The following SLC1A2 variants were observed in gnomAD, a reference collection of about 807,000 sequenced individuals.
SLC1A2 encodes excitatory amino acid transporter 2.
A neutral mutation model predicts 48.8 loss-of-function variants in SLC1A2; 15 were observed. The observed-to-expected ratio is 0.31, with a 90% CI of 0.21 to 0.47. The LOEUF is 0.47. Ranked by LOEUF, SLC1A2 falls within the 20% of genes least tolerant of loss-of-function variation. The pLI is 0.99. For missense variants in SLC1A2, 502 were observed against 730.5 expected (o/e 0.69, Z 3.61); for synonymous variants, 279 against 272.6 (o/e 1.02, Z -0.23).
intron 1 of SLC1A2, among the ~76,000 whole-genome samples, chr11:35,412,853 T>C (rs1479797996): frequency 6.6e-6 from 1 of 152,180 alleles, no homozygotes; most frequent in Admixed American, 6.5e-5. Flanking sequence ...CTGGGCTCTT[T>C]CAAAGCACTG....
chr11:35,275,687 T>C (rs1850418722), intron 9 of SLC1A2, among the ~76,000 whole-genome samples: 1 of 152,232 alleles, frequency 6.6e-6, no homozygotes, highest in South Asian at 2.1e-4. Flanking sequence ...GCAAACACTG[T>C]GACACATTAA....
chr11:35,396,778 C>A (rs1349885515), intron 1 of SLC1A2, among the ~76,000 whole-genome samples: 2 of 152,080 alleles, frequency 1.3e-5, no homozygotes, highest in Non-Finnish European at 2.9e-5. Context: ...ATGGTAAAAC[C>A]CCATTGTCTC....
rs775008465 is a variant in SLC1A2, at chr11:35,292,431, T to C, written c.947A>G (p.Tyr316Cys). The C allele has an allele frequency of 6.2e-7, 1 of 1,613,932 alleles. No homozygotes were observed. Residue 316 changes from tyrosine (Y) to cysteine (C), a missense_variant, in exon 7 of 11, where the codon TAC (tyrosine) becomes TGC (cysteine). Transcript: ENST00000278379. The stretch of plus-strand genomic sequence containing the variant: ...GAGGCCTATGATCACTGTTACCATG[T>C]ACATCCCCAGTTGCCTAGCAACCAC... ...LEVVARQLGM[Y>C]MVTVIIGLII...
At chr11:35,388,216 G>C (rs920426740) in intron 1 of SLC1A2, among the ~76,000 whole-genome samples, 2 of 152,254 alleles carry the variant, frequency 1.3e-5, no homozygotes, top group South Asian at 2.1e-4. Context: ...AATTTTTACT[G>C]AAAAGAGAAA....
At chr11:35,271,757 C>G (rs1233095148) in intron 9 of SLC1A2, among the ~76,000 whole-genome samples, 1 of 152,092 alleles carries the variant, frequency 6.6e-6, no homozygotes, top group Non-Finnish European at 1.5e-5. Context: ...GTGGGAGAAT[C>G]GCTTGGGCCT....
intron 3 of SLC1A2, 87 bp downstream of exon 3, chr11:35,314,936 C>T: frequency 1.0e-6 from 1 of 953,952 alleles, no homozygotes; most frequent in South Asian, 1.5e-5. Flanking sequence ...ATCACATTCA[C>T]TCAACCAAAT....
chr11:35,304,534 A>G (rs1851447278), intron 5 of SLC1A2, among the ~76,000 whole-genome samples: 1 of 151,652 alleles, frequency 6.6e-6, no homozygotes, highest in Middle Eastern at 3.2e-3. Context: ...TCCACCTCTC[A>G]CCTCCCACTG....
upstream of SLC1A2, chr11:35,420,091 T>C (rs1855740887): frequency 4.0e-6 from 1 of 252,032 alleles, no homozygotes; most frequent in South Asian, 3.7e-5. Context: ...TTAATATTAA[T>C]GCAGCTCCCT....
At chr11:35,261,104 T>C in intron 10 of SLC1A2, 139 bp from the exon 11 acceptor site, 1 of 694,740 alleles carries the variant, frequency 1.4e-6, no homozygotes, top group Non-Finnish European at 2.6e-6. Flanking sequence ...CTTTCCAAAT[T>C]GAATTTGAAC....
At chr11:35,294,100 C>G (rs188109724) in intron 6 of SLC1A2, among the ~76,000 whole-genome samples, 5 of 152,260 alleles carry the variant, frequency 3.3e-5, no homozygotes, top group Non-Finnish European at 7.4e-5. Context: ...ACATGTACCC[C>G]ATGTCCTCTC....
chr11:35,255,983 T>A lies in SLC1A2; in HGVS notation c.*4911A>T, dbSNP rs560670139. 6.6e-6 allele frequency: 1 copy of A among 152,258 alleles called. No individual in the cohort carries two copies. The highest frequency in any genetic ancestry group is 2.4e-5 in the African/African-American group (1 of 41,538). The allele number at this position is 152,258 out of a possible 1,614,324, so 9.4% of individuals were successfully genotyped here. On this transcript the variant is annotated 3_prime_UTR_variant, in exon 11 of 11. Coordinates refer to ENST00000278379, the MANE Select transcript of SLC1A2 (RefSeq NM_004171.4). The stretch of plus-strand genomic sequence containing the variant: ...TACTTCAACTTAAAATGTAAATAGG[T>A]CACATTTTATAGTAGGAAGCCTCTT...
In SLC1A2 at chr11:35,317,389, G is replaced by C; in HGVS notation, c.145C>G (p.Leu49Val). Residue 49 changes from leucine to valine, a missense_variant, in exon 2 of 11, where the codon CTG (leucine) becomes GTG (valine). Physicochemically the swap from Leu to Val is conservative, Grantham distance 32. Coordinates refer to ENST00000278379, the MANE Select transcript of SLC1A2 (RefSeq NM_004171.4). Reference protein sequence around the residue: ...DKLGKNLLLTLTVFGVILGAV... With the variant: ...DKLGKNLLLTVTVFGVILGAV... ...TGCAGGTACCTACCAAACACCGTCA[G>C]GGTGAGCAGCAGATTCTTCCCCAGC... The C allele has an allele frequency of 6.2e-7, 1 of 1,614,134 alleles. No homozygotes were observed. The highest frequency in any genetic ancestry group is 1.7e-4 in the Middle Eastern group (1 of 6,058).
intron 10 of SLC1A2, 57 bp from the exon 11 acceptor site, chr11:35,261,022 T>C: frequency 8.1e-7 from 1 of 1,233,916 alleles, no homozygotes. Context: ...AAAAAAGCCC[T>C]GTGGGTTATG....
intron 1 of SLC1A2, among the ~76,000 whole-genome samples, chr11:35,386,485 C>T (rs1854588407): frequency 6.6e-6 from 1 of 152,178 alleles, no homozygotes; most frequent in Non-Finnish European, 1.5e-5. Context: ...GATGAAAAGG[C>T]ATCAATATGT....
intron 1 of SLC1A2, among the ~76,000 whole-genome samples, chr11:35,390,191 G>C (rs1370111831): frequency 6.6e-6 from 1 of 152,132 alleles, no homozygotes; most frequent in Non-Finnish European, 1.5e-5. Flanking sequence ...ACTTTAGCAC[G>C]TACAGTAATG....
intron 1 of SLC1A2, chr11:35,380,471 C>A: frequency 2.5e-6 from 1 of 398,434 alleles, no homozygotes; most frequent in South Asian, 1.3e-4. Flanking sequence ...TATTTTAAAT[C>A]CCAGCTAATC....
At chr11:35,369,482 G>T (rs1002830233) in intron 1 of SLC1A2, among the ~76,000 whole-genome samples, 1 of 152,162 alleles carries the variant, frequency 6.6e-6, no homozygotes, top group Admixed American at 6.5e-5. Flanking sequence ...TGTAAAGAAT[G>T]AATGGAAACT....
chr11:35,392,755 C>T (rs1854823165), intron 1 of SLC1A2, among the ~76,000 whole-genome samples: 1 of 152,142 alleles, frequency 6.6e-6, no homozygotes, highest in African/African-American at 2.4e-5. Flanking sequence ...ACCCTTAGGA[C>T]CTCCCCTTCT....
rs890247968 is a variant in SLC1A2, at chr11:35,295,801, C to A, written c.858-3281G>T. 4.6e-5 allele frequency among the ~76,000 whole-genome samples: 7 copies of A among 152,294 alleles called. No individual in the cohort carries two copies. The East Asian group carries it at 1.4e-3, about 29-fold the overall frequency. Reference sequence around the variant, plus strand: ...TTCAGCCCTTGCCAGCCTAAGATGCCCCTCACAGGGCTCCACAAACACACT... The same window carrying A: ...TTCAGCCCTTGCCAGCCTAAGATGCACCTCACAGGGCTCCACAAACACACT... On this transcript the variant is annotated intron_variant, in intron 6 of 10. Transcript: ENST00000278379.
Sources: allele counts gnomAD v4.1 joint callset (sites outside exome capture counted in the v4.1 genomes callset), GRCh38; gene constraint gnomAD v4.1.1; transcripts MANE v1.5; gene names NCBI Gene and HGNC (gene_info 2026-07-23, HGNC 2026-07-21).